Variants in FARS2 observed in about 807,000 individuals in gnomAD.
The protein encoded by FARS2 is phenylalanyl-tRNA synthetase 2, mitochondrial, also known as phenylalanine--tRNA ligase, mitochondrial.
A neutral mutation model predicts 46.4 loss-of-function variants in FARS2; 40 were observed. The observed-to-expected ratio is 0.86, with a 90% CI of 0.67 to 1.12. The LOEUF is 1.12. FARS2 is among the 50% of genes most tolerant of loss of function. The probability of loss-of-function intolerance (pLI) is 0.00; values close to 1 mark genes in which losing one functional copy is unlikely to be tolerated. For missense variants in FARS2, 513 were observed against 567.9 expected, an observed-to-expected ratio of 0.90 and a Z score of 0.98; for synonymous variants, 234 against 214.9, an observed-to-expected ratio of 1.09 and a Z score of -0.78.
intron 6 of FARS2, among the ~76,000 whole-genome samples, chr6:5,731,768 C>T (rs906064402): frequency 2.6e-5 from 4 of 152,202 alleles, no homozygotes; most frequent in African/African-American, 9.6e-5. Flanking sequence ...TCTCATTAAA[C>T]TGAAGATCAG....
intron 6 of FARS2, among the ~76,000 whole-genome samples, chr6:5,709,717 G>T: frequency 3.1e-5 from 1 of 32,666 alleles, no homozygotes. Flanking sequence ...CGTGCATGTT[G>T]GGGGGGGTGG....
intron 4 of FARS2, among the ~76,000 whole-genome samples, chr6:5,459,109 C>T (rs1256361420): frequency 1.3e-5 from 2 of 152,170 alleles, no homozygotes; most frequent in African/African-American, 4.8e-5. Context: ...GTCCATGTGG[C>T]CAGCATGGAG....
At chr6:5,599,349 T>C (rs1048267176) in intron 5 of FARS2, among the ~76,000 whole-genome samples, 1 of 123,702 alleles carries the variant, frequency 8.1e-6, no homozygotes, top group South Asian at 2.6e-4. Flanking sequence ...AGAAAAGAAA[T>C]GCTATGGAAG....
chr6:5,462,067 C>T (rs1765273273), intron 4 of FARS2, among the ~76,000 whole-genome samples: 1 of 152,164 alleles, frequency 6.6e-6, no homozygotes. Flanking sequence ...TTCACCAACA[C>T]TTTGTATTAT....
At position 5,336,187 on chromosome 6, in the gene FARS2, T is replaced by C. The variant is rs142421077; in HGVS notation, c.-21-32363T>C. Among the ~76,000 whole-genome samples the C allele has an allele frequency of 4.1e-3, 628 of 152,110 alleles. 3 individuals carry two copies. The highest frequency in any genetic ancestry group is 0.014 in the Middle Eastern group (4 of 294). ...TTTTATTTTTCAGATACTAAAAGTATCTGACAAATAAACTGAAAGGTAAGA... is the reference window on the plus strand; with the variant it reads ...TTTTATTTTTCAGATACTAAAAGTACCTGACAAATAAACTGAAAGGTAAGA... On this transcript the variant is annotated intron_variant, in intron 1 of 6. Coordinates refer to ENST00000274680, the MANE Select transcript of FARS2 (RefSeq NM_006567.5).
intron 1 of FARS2, among the ~76,000 whole-genome samples, chr6:5,338,722 G>A (rs2552300): frequency 0.4 from 60,801 of 151,998 alleles, 12,484 homozygotes; most frequent in African/African-American, 0.46. Context: ...TATGTGAGAC[G>A]TGTTTACAGT....
intron 4 of FARS2, among the ~76,000 whole-genome samples, chr6:5,512,837 A>G (rs1768539444): frequency 6.6e-6 from 1 of 152,148 alleles, no homozygotes; most frequent in African/African-American, 2.4e-5. Flanking sequence ...AAAAAGGAGA[A>G]CATAGGTTGG....
intron 1 of FARS2, among the ~76,000 whole-genome samples, chr6:5,265,691 A>T (rs941697417): frequency 2.0e-5 from 3 of 152,230 alleles, no homozygotes; most frequent in African/African-American, 7.2e-5. Flanking sequence ...CCAGAAGTTT[A>T]TACTTTAAAT....
chr6:5,586,553 G>A (rs933647683), intron 5 of FARS2, among the ~76,000 whole-genome samples: 1 of 152,104 alleles, frequency 6.6e-6, no homozygotes, highest in African/African-American at 2.4e-5. Context: ...CTTGATCATG[G>A]TGTATGGTCT....
chr6:5,567,664 A>T, intron 5 of FARS2, among the ~76,000 whole-genome samples: 1 of 152,230 alleles, frequency 6.6e-6, no homozygotes, highest in Non-Finnish European at 1.5e-5. Flanking sequence ...TAGATGGAGG[A>T]TAAAGAGTTG....
chr6:5,606,096 C>G (rs1295018651), intron 5 of FARS2, among the ~76,000 whole-genome samples: 1 of 151,734 alleles, frequency 6.6e-6, no homozygotes, highest in Non-Finnish European at 1.5e-5. Context: ...TATTGCAGTT[C>G]CAGGAGAGAA....
intron 4 of FARS2, among the ~76,000 whole-genome samples, chr6:5,517,588 G>A (rs1011489377): frequency 1.3e-5 from 2 of 151,050 alleles, no homozygotes; most frequent in African/African-American, 4.9e-5. Flanking sequence ...CTCCAGCCTG[G>A]GAGACAAGAG....
intron 6 of FARS2, among the ~76,000 whole-genome samples, chr6:5,685,715 A>G (rs942510389): frequency 1.3e-5 from 2 of 152,116 alleles, no homozygotes; most frequent in African/African-American, 4.8e-5. Context: ...GGAACATGCT[A>G]TACCCTCTCT....
intron 6 of FARS2, among the ~76,000 whole-genome samples, chr6:5,686,819 T>G (rs36180237): frequency 6.6e-6 from 1 of 151,916 alleles, no homozygotes; most frequent in Non-Finnish European, 1.5e-5. Context: ...GTCCCACCAA[T>G]AGTGTGAAAG....
intron 1 of FARS2, among the ~76,000 whole-genome samples, chr6:5,296,204 G>T (rs1035274830): frequency 4.5e-5 from 6 of 133,790 alleles, no homozygotes; most frequent in Non-Finnish European, 9.3e-5. Flanking sequence ...TGCAGTGGTG[G>T]GATCTCAGCT....
intron 1 of FARS2, among the ~76,000 whole-genome samples, chr6:5,323,445 G>A (rs1770126492): frequency 6.6e-6 from 1 of 152,126 alleles, no homozygotes; most frequent in Admixed American, 6.5e-5. Flanking sequence ...GGTTGTTTTT[G>A]TATTATGACT....
At chr6:5,345,972 C>A (rs1403698358) in intron 1 of FARS2, among the ~76,000 whole-genome samples, 1 of 152,166 alleles carries the variant, frequency 6.6e-6, no homozygotes, top group African/African-American at 2.4e-5. Flanking sequence ...CATTAAAAGA[C>A]TCTGGAGGAG....
At chr6:5,264,985 T>TG (rs1765457727) in intron 1 of FARS2, among the ~76,000 whole-genome samples, 1 of 151,284 alleles carries the variant, frequency 6.6e-6, no homozygotes, top group South Asian at 2.1e-4. Context: ...TTTTTTTTTT[T>TG]GTAGAGATGA....
At chr6:5,382,972 G>A (rs1471805402) in intron 2 of FARS2, among the ~76,000 whole-genome samples, 1 of 152,200 alleles carries the variant, frequency 6.6e-6, no homozygotes, top group Admixed American at 6.5e-5. Context: ...TGGATTGGCT[G>A]AGGCCCACCA....
Sources: gnomAD v4.1 joint callset for allele counts (sites outside exome capture counted in the v4.1 genomes callset) on GRCh38, gnomAD v4.1.1 for gene constraint, MANE v1.5 for transcripts, NCBI Gene and HGNC (gene_info 2026-07-23, HGNC 2026-07-21) for gene names.